MARCHF1: variants seen among roughly 807,000 people sequenced by gnomAD.
The protein encoded by MARCHF1 is E3 ubiquitin-protein ligase MARCHF1.
In MARCHF1, 40 loss-of-function variants were observed where a neutral mutation model predicts 54.2. The ratio of observed to expected loss-of-function variants is 0.74; its 90% CI spans 0.57 to 0.96. The LOEUF (loss-of-function observed/expected upper bound fraction) is 0.96, where lower values mean the gene tolerates loss of function less well. MARCHF1 is among the 40% of genes least tolerant of loss of function. The probability of loss-of-function intolerance (pLI) is 0.00; values close to 1 mark genes in which losing one functional copy is unlikely to be tolerated. For synonymous variants in MARCHF1, 236 were observed against 236.3 expected, an observed-to-expected ratio of 1.00 and a Z score of 0.01; for missense variants, 586 against 656.5, an observed-to-expected ratio of 0.89 and a Z score of 1.17.
intron 3 of MARCHF1, among the ~76,000 whole-genome samples, chr4:163,896,569 G>A (rs547584437): frequency 2.0e-4 from 30 of 151,714 alleles, no homozygotes; most frequent in East Asian, 1.4e-3. Context: ...TCTTCTTTTC[G>A]AATGCTTATG....
chr4:163,647,237 C>T (rs1742795747), intron 5 of MARCHF1, among the ~76,000 whole-genome samples: 1 of 151,912 alleles, frequency 6.6e-6, no homozygotes, highest in South Asian at 2.1e-4. Context: ...AATATATGCA[C>T]AGTATTGAAG....
At chr4:163,900,289 G>C (rs552017432) in intron 3 of MARCHF1, among the ~76,000 whole-genome samples, 1 of 151,662 alleles carries the variant, frequency 6.6e-6, no homozygotes, top group East Asian at 1.9e-4. Context: ...AATATTTAGG[G>C]AGAACTGGCA....
intron 3 of MARCHF1, among the ~76,000 whole-genome samples, chr4:163,944,730 A>G (rs1751990679): frequency 6.6e-6 from 1 of 152,196 alleles, no homozygotes; most frequent in Admixed American, 6.5e-5. Flanking sequence ...TCTAAAAATC[A>G]CGTTAATTAC....
intron 2 of MARCHF1, among the ~76,000 whole-genome samples, chr4:164,062,946 T>C (rs1464608231): frequency 6.6e-6 from 1 of 152,194 alleles, no homozygotes; most frequent in Non-Finnish European, 1.5e-5. Flanking sequence ...TCCTGAGAGC[T>C]CTTGTATGAC....
chr4:163,886,242 G>C (rs1434734968), intron 3 of MARCHF1, among the ~76,000 whole-genome samples: 2 of 150,074 alleles, frequency 1.3e-5, no homozygotes, highest in African/African-American at 4.9e-5. Context: ...TTGATATAGA[G>C]ATAGGTATAG....
At chr4:163,920,192 A>G (rs576303040) in intron 3 of MARCHF1, among the ~76,000 whole-genome samples, 1 of 152,324 alleles carries the variant, frequency 6.6e-6, no homozygotes, top group South Asian at 2.1e-4. Flanking sequence ...TGGTACAGTT[A>G]GAAATGATCT....
At chr4:164,131,437 A>T (rs908785912) in intron 1 of MARCHF1, among the ~76,000 whole-genome samples, 35 of 152,182 alleles carry the variant, frequency 2.3e-4, no homozygotes, top group African/African-American at 8.0e-4. Context: ...ATACAATCCC[A>T]TAATTGTAGA....
intron 2 of MARCHF1, among the ~76,000 whole-genome samples, chr4:164,049,940 C>T (rs1257750981): frequency 6.6e-6 from 1 of 152,158 alleles, no homozygotes; most frequent in African/African-American, 2.4e-5. Context: ...TGTAGTTTCA[C>T]TTGGATGCCT....
chr4:164,306,020 G>A lies in MARCHF1; in HGVS notation c.-323+77850C>T, dbSNP rs146317777. On this transcript the variant is annotated intron_variant, in intron 1 of 9. Transcript: ENST00000514618. ...TTAAGATGTTGTCACTGATTGTTAC[G>A]AATAATTCTCACTAATGCACATATG... Among the ~76,000 whole-genome samples, 1,096 of 152,106 alleles carry A rather than the reference G, an allele frequency of 7.2e-3. 11 individuals are homozygous for A. The highest frequency in any genetic ancestry group is 0.025 in the African/African-American group (1,028 of 41,518).
At chr4:163,991,016 T>G (rs1009336230) in intron 2 of MARCHF1, among the ~76,000 whole-genome samples, 1 of 152,210 alleles carries the variant, frequency 6.6e-6, no homozygotes, top group Non-Finnish European at 1.5e-5. Flanking sequence ...CTTTGTTTGC[T>G]ATGAGATTTT....
chr4:163,529,063 A>T lies in MARCHF1; in HGVS notation c.1340-17T>A. The T allele has an allele frequency of 6.3e-7, 1 of 1,578,076 alleles. No individual in the cohort carries two copies. Among genetic ancestry groups the T allele is most frequent in the Non-Finnish European group, 8.6e-7 (1 of 1,160,042 alleles). On this transcript the variant is annotated splice_polypyrimidine_tract_variant and intron_variant, in intron 9 of 9. Transcript: ENST00000514618. ...CAAGGACACCTTTGAAATGAAAAAGAGAAAATGTTATCACCAAGTTGTCCT... is the reference window on the plus strand; with the variant it reads ...CAAGGACACCTTTGAAATGAAAAAGTGAAAATGTTATCACCAAGTTGTCCT...
At chr4:163,530,974 A>G (rs1738327688) in intron 9 of MARCHF1, among the ~76,000 whole-genome samples, 1 of 151,950 alleles carries the variant, frequency 6.6e-6, no homozygotes, top group Non-Finnish European at 1.5e-5. Flanking sequence ...CCCTAGATCT[A>G]TTAAAGAAAT....
intron 4 of MARCHF1, among the ~76,000 whole-genome samples, chr4:163,832,304 C>T (rs1485642872): frequency 6.6e-6 from 1 of 152,082 alleles, no homozygotes; most frequent in Non-Finnish European, 1.5e-5. Flanking sequence ...TGCAAGATTG[C>T]AATGCTGGCC....
At chr4:163,728,966 T>C (rs769229702) in intron 4 of MARCHF1, among the ~76,000 whole-genome samples, 8 of 152,182 alleles carry the variant, frequency 5.3e-5, no homozygotes, top group Non-Finnish European at 1.0e-4. Context: ...CCTAGTTTTC[T>C]GGGAATTTTT....
intron 1 of MARCHF1, among the ~76,000 whole-genome samples, chr4:164,148,961 A>C (rs1729852397): frequency 6.6e-6 from 1 of 152,026 alleles, no homozygotes; most frequent in South Asian, 2.1e-4. Context: ...GATAACCTCC[A>C]ATGTTGGAGG....
At chr4:163,851,138 G>GA (rs199603316) in intron 4 of MARCHF1, among the ~76,000 whole-genome samples, 11 of 150,794 alleles carry the variant, frequency 7.3e-5, no homozygotes, top group East Asian at 1.9e-4. Flanking sequence ...CCCCAAACAG[G>GA]AAAAAAAAAT....
At chr4:164,153,045 T>A (rs947864031) in intron 1 of MARCHF1, among the ~76,000 whole-genome samples, 20 of 152,206 alleles carry the variant, frequency 1.3e-4, no homozygotes, top group African/African-American at 4.3e-4. Flanking sequence ...AGCTGTGTCA[T>A]GAGCCATGAT....
intron 4 of MARCHF1, among the ~76,000 whole-genome samples, chr4:163,705,027 C>A (rs1744909914): frequency 6.6e-6 from 1 of 151,090 alleles, no homozygotes; most frequent in African/African-American, 2.4e-5. Flanking sequence ...AATATGAAAA[C>A]CTAGAGGAAA....
At chr4:164,095,259 G>C (rs1755385211) in intron 2 of MARCHF1, among the ~76,000 whole-genome samples, 2 of 152,068 alleles carry the variant, frequency 1.3e-5, no homozygotes, top group South Asian at 4.1e-4. Context: ...ACTTCAGATA[G>C]TTACTTAACC....
Sources: gnomAD v4.1 joint callset for allele counts (sites outside exome capture counted in the v4.1 genomes callset) on GRCh38, gnomAD v4.1.1 for gene constraint, MANE v1.5 for transcripts, NCBI Gene and HGNC (gene_info 2026-07-23, HGNC 2026-07-21) for gene names.